The following MSTO1 variants were observed in gnomAD, a reference collection of about 807,000 sequenced individuals.
MSTO1 encodes the protein protein misato homolog 1.
Under a neutral mutation model 55.7 loss-of-function variants are expected in MSTO1, and 24 were observed. The observed-to-expected ratio is 0.43, with a 90% confidence interval of 0.31 to 0.61. MSTO1 has a LOEUF of 0.61. Ranked by LOEUF, MSTO1 falls within the 20% of genes least tolerant of loss-of-function variation. MSTO1 has a pLI of 0.09. For synonymous variants in MSTO1, 162 were observed against 252.8 expected, an observed-to-expected ratio of 0.64 and a Z score of 3.41; for missense variants, 363 against 625.7, an observed-to-expected ratio of 0.58 and a Z score of 4.48.
At chr1:155,609,217 G>GTATATATATATATA (rs777579171), upstream of MSTO1, among the ~76,000 whole-genome samples, 31 of 84,524 alleles carry the variant, frequency 3.7e-4, no homozygotes, top group East Asian at 4.2e-3. Context: ...ATTATCAGCA[G>GTATATATATATATA]TATATATATA....
the MSTO1 span, among the ~76,000 whole-genome samples, chr1:155,594,011 G>A: frequency 6.6e-6 from 1 of 151,950 alleles, no homozygotes; most frequent in South Asian, 2.1e-4. Context: ...GCTATTAGCA[G>A]TAAGGAAAGA....
the MSTO1 span, chr1:155,590,971 T>C: frequency 1.2e-6 from 2 of 1,613,716 alleles, no homozygotes; most frequent in Non-Finnish European, 1.7e-6. Context: ...CCCAGCAAGG[T>C]AGACCAGCAA....
the MSTO1 span, among the ~76,000 whole-genome samples, chr1:155,591,566 C>G: frequency 1.3e-5 from 2 of 151,900 alleles, no homozygotes; most frequent in Non-Finnish European, 2.9e-5. Flanking sequence ...CCGAGGCAGG[C>G]GATCACCTGA....
chr1:155,579,597 C>G, the MSTO1 span, among the ~76,000 whole-genome samples: 2 of 152,096 alleles, frequency 1.3e-5, no homozygotes, highest in Non-Finnish European at 2.9e-5. Context: ...AGGATATATA[C>G]CCTTGGAGTT....
At chr1:155,609,243 A>ATATTTT (rs59756178), upstream of MSTO1, among the ~76,000 whole-genome samples, 108 of 54,564 alleles carry the variant, frequency 2.0e-3, no homozygotes, top group East Asian at 9.3e-3. Context: ...ATATATATAT[A>ATATTTT]TTTTTTTTTT....
chr1:155,591,958 C>A, the MSTO1 span, among the ~76,000 whole-genome samples: 1 of 152,074 alleles, frequency 6.6e-6, no homozygotes, highest in Non-Finnish European at 1.5e-5. Flanking sequence ...AAAAGTATAA[C>A]AAAAATTTCA....
upstream of MSTO1, among the ~76,000 whole-genome samples, chr1:155,608,493 T>C (rs1297318192): frequency 6.7e-6 from 1 of 148,448 alleles, no homozygotes; most frequent in African/African-American, 2.5e-5. Flanking sequence ...ATTTGCCTTA[T>C]CTCTTTTTTT....
chr1:155,570,119 C>T, the MSTO1 span, among the ~76,000 whole-genome samples: 1 of 152,154 alleles, frequency 6.6e-6, no homozygotes, highest in Admixed American at 6.6e-5. Context: ...ATTTCAATAC[C>T]TCAGTGGTGT....
At chr1:155,589,484 A>C in the MSTO1 span, among the ~76,000 whole-genome samples, 1 of 151,954 alleles carries the variant, frequency 6.6e-6, no homozygotes, top group Non-Finnish European at 1.5e-5. Context: ...GAGTTTGTTA[A>C]GGAGTATTGA....
upstream of MSTO1, among the ~76,000 whole-genome samples, chr1:155,607,704 T>C (rs1672960146): frequency 6.6e-6 from 1 of 152,142 alleles, no homozygotes; most frequent in African/African-American, 2.4e-5. Context: ...ACATCATACT[T>C]AGAAAAGTGA....
the MSTO1 span, among the ~76,000 whole-genome samples, chr1:155,577,150 G>A: frequency 1.7e-4 from 26 of 149,302 alleles, no homozygotes; most frequent in Non-Finnish European, 2.7e-4. Flanking sequence ...GTGCAGTGGC[G>A]CAATCTCAGC....
At chr1:155,576,236 T>G in the MSTO1 span, among the ~76,000 whole-genome samples, 1 of 152,226 alleles carries the variant, frequency 6.6e-6, no homozygotes, top group Non-Finnish European at 1.5e-5. Flanking sequence ...CTGTGGGTTG[T>G]CTTCCACTTA....
At chr1:155,588,377 T>C in the MSTO1 span, among the ~76,000 whole-genome samples, 2 of 152,170 alleles carry the variant, frequency 1.3e-5, no homozygotes, top group Non-Finnish European at 2.9e-5. Flanking sequence ...AATTCTAAGA[T>C]GCCTCATTTC....
the MSTO1 span, among the ~76,000 whole-genome samples, chr1:155,587,976 T>C: frequency 1.3e-5 from 2 of 151,568 alleles, no homozygotes; most frequent in African/African-American, 4.8e-5. Context: ...GAGGCCGAGG[T>C]GGGTGGATCA....
the MSTO1 span, among the ~76,000 whole-genome samples, chr1:155,584,266 G>A: frequency 6.6e-6 from 1 of 152,064 alleles, no homozygotes; most frequent in Non-Finnish European, 1.5e-5. Flanking sequence ...GGCTGAAGTG[G>A]GAGGATCGCT....
At chr1:155,611,403 G>A (rs1673970905) in intron 4 of MSTO1, 112 bp downstream of exon 4, 2 of 1,602,072 alleles carry the variant, frequency 1.2e-6, no homozygotes, top group Non-Finnish European at 1.7e-6. Context: ...TGATATTTTG[G>A]GAAAAAGCAC....
the MSTO1 span, chr1:155,591,114 C>T: frequency 1.2e-6 from 2 of 1,613,566 alleles, no homozygotes; most frequent in Non-Finnish European, 8.5e-7. Context: ...AGGACATCCA[C>T]AGGCCCTCCC....
rs755394359 is a variant in MSTO1, at chr1:155,611,281, T to C, written c.356T>C (p.Leu119Pro). 1 of 1,613,428 alleles carries C rather than the reference T, an allele frequency of 6.2e-7. No individual in the cohort carries two copies. The highest frequency in any genetic ancestry group is 1.1e-5 in the South Asian group (1 of 90,988). ...AAGAACCCTTATCTCCAAGACTTTC[T>C]GAGTGCAGAGGTGAGGGCCTCTGTC... ...YPKNPYLQDF[L>P]SAEGVLSSDG... Residue 119 changes from leucine to proline, a missense_variant, in exon 4 of 14, where the codon CTG becomes CCG. By Grantham distance (98) the Leu-to-Pro change is moderately conservative. Transcript: ENST00000245564.
At chr1:155,609,243 A>ATATATATATATATTTTTTTT (rs59756178), upstream of MSTO1, among the ~76,000 whole-genome samples, 1 of 54,590 alleles carries the variant, frequency 1.8e-5, no homozygotes, top group Non-Finnish European at 3.0e-5. Flanking sequence ...ATATATATAT[A>ATATATATATATATTTTTTTT]TTTTTTTTTT....
Sources: gnomAD v4.1 joint callset for allele counts (sites outside exome capture counted in the v4.1 genomes callset) on GRCh38, gnomAD v4.1.1 for gene constraint, MANE v1.5 for transcripts, NCBI Gene and HGNC (gene_info 2026-07-23, HGNC 2026-07-21) for gene names.